MYO9A: variants seen among roughly 807,000 people sequenced by gnomAD.
The protein encoded by MYO9A is myosin IXA.
A neutral mutation model predicts 293.3 loss-of-function variants in MYO9A; 103 were observed. That is an observed-to-expected ratio of 0.35 (90% CI 0.30 to 0.41). MYO9A has a LOEUF of 0.41. MYO9A is among the 10% of genes least tolerant of loss of function. The probability of loss-of-function intolerance (pLI) is 1.00; values close to 1 mark genes in which losing one functional copy is unlikely to be tolerated. For missense variants in MYO9A, 2,685 were observed against 3,033.0 expected, an observed-to-expected ratio of 0.89 and a Z score of 2.69; for synonymous variants, 1,001 against 1,035.7, an observed-to-expected ratio of 0.97 and a Z score of 0.64.
chr15:71,844,759 A>G (rs1165644881), intron 39 of MYO9A, among the ~76,000 whole-genome samples: 1 of 152,228 alleles, frequency 6.6e-6, no homozygotes, highest in Non-Finnish European at 1.5e-5. Context: ...ATTAAATACT[A>G]TAAATCGAAG....
Position 71,974,584 on chromosome 15 carries a change from G to C in MYO9A, c.1844+3587C>G, listed in dbSNP as rs768342206. Among the ~76,000 whole-genome samples the C allele has an allele frequency of 3.9e-5, 6 of 152,216 alleles. No individual in the cohort carries two copies. In the East Asian group the frequency reaches 9.6e-4, roughly 24 times the overall value. The stretch of plus-strand genomic sequence containing the variant: ...TGGTCCTAGGACAAGGGCTGCAACT[G>C]CAAGTGCTGGAAGCAGGGATGATTT... On this transcript the variant is annotated intron_variant, in intron 12 of 41. Coordinates refer to ENST00000356056, the MANE Select transcript of MYO9A (RefSeq NM_006901.4).
intron 18 of MYO9A, among the ~76,000 whole-genome samples, chr15:71,928,352 A>G (rs979798187): frequency 6.6e-6 from 1 of 151,678 alleles, no homozygotes; most frequent in African/African-American, 2.4e-5. Context: ...GCTGTCTAAT[A>G]TATTTTTAAA....
intron 13 of MYO9A, among the ~76,000 whole-genome samples, chr15:71,965,708 C>T (rs2075855988): frequency 6.6e-6 from 1 of 152,222 alleles, no homozygotes; most frequent in African/African-American, 2.4e-5. Flanking sequence ...CACTTCACTT[C>T]AGCCTGGCAA....
chr15:71,912,475 C>T (rs1369363139), intron 19 of MYO9A, among the ~76,000 whole-genome samples: 2 of 152,102 alleles, frequency 1.3e-5, no homozygotes, highest in Admixed American at 6.5e-5. Flanking sequence ...AGGCTGGTCT[C>T]GAACTCCTGA....
intron 6 of MYO9A, among the ~76,000 whole-genome samples, chr15:72,011,890 C>T (rs980691057): frequency 2.0e-5 from 3 of 152,022 alleles, no homozygotes; most frequent in African/African-American, 7.2e-5. Context: ...ATCCCCAGTG[C>T]GAAGTCAGTG....
At chr15:71,842,502 T>C (rs978540123) in intron 39 of MYO9A, among the ~76,000 whole-genome samples, 5 of 152,078 alleles carry the variant, frequency 3.3e-5, no homozygotes, top group African/African-American at 7.2e-5. Flanking sequence ...ACTAGTAAAC[T>C]AGAGCTAGGA....
chr15:72,101,129 T>C (rs1327803742), intron 1 of MYO9A, among the ~76,000 whole-genome samples: 16 of 105,452 alleles, frequency 1.5e-4, no homozygotes, highest in South Asian at 3.5e-4. Flanking sequence ...GGCATCAGCC[T>C]CCCGCCCGGC....
intron 35 of MYO9A, among the ~76,000 whole-genome samples, chr15:71,853,330 A>G (rs2055734054): frequency 6.6e-6 from 1 of 152,238 alleles, no homozygotes; most frequent in Non-Finnish European, 1.5e-5. Context: ...GTGATAACTG[A>G]GCTTAGAAAA....
At chr15:71,827,720 G>A (rs374904849) in intron 41 of MYO9A, among the ~76,000 whole-genome samples, 164 bp downstream of exon 41, 4 of 151,932 alleles carry the variant, frequency 2.6e-5, no homozygotes, top group African/African-American at 7.3e-5. Flanking sequence ...TATGCCAAAC[G>A]ATGAAGGCTA....
At chr15:72,091,197 C>CAA (rs34991002) in intron 1 of MYO9A, among the ~76,000 whole-genome samples, 16 of 127,988 alleles carry the variant, frequency 1.3e-4, no homozygotes, top group African/African-American at 4.3e-4. Flanking sequence ...AGATCTGTCT[C>CAA]AAAAAAAAAA....
intron 12 of MYO9A, among the ~76,000 whole-genome samples, chr15:71,975,281 G>A (rs915912538): frequency 2.7e-5 from 4 of 147,372 alleles, no homozygotes; most frequent in Admixed American, 7.0e-5. Flanking sequence ...AAGCCAGGGC[G>A]TGGCCTATGA....
At chr15:72,103,232 C>CAGA (rs2080425093) in intron 1 of MYO9A, among the ~76,000 whole-genome samples, 4 of 149,858 alleles carry the variant, frequency 2.7e-5, no homozygotes, top group Admixed American at 2.7e-4. Context: ...GCAGAAGCAG[C>CAGA]AGCAGAAGCA....
intron 2 of MYO9A, chr15:72,041,631 G>A (rs1368767982): frequency 4.1e-6 from 1 of 244,822 alleles, no homozygotes; most frequent in East Asian, 1.1e-4. Context: ...ATCTCCAGTA[G>A]TTAAATCAAT....
chr15:71,927,496 G>T (rs971280923), intron 18 of MYO9A, among the ~76,000 whole-genome samples: 19 of 152,130 alleles, frequency 1.2e-4, no homozygotes, highest in Non-Finnish European at 1.5e-5. Context: ...TATCCATGGG[G>T]ATTGGTTCCA....
intron 30 of MYO9A, 107 bp from the exon 31 acceptor site, chr15:71,878,338 C>A (rs1453619717): frequency 1.3e-6 from 1 of 776,454 alleles, no homozygotes. Context: ...AGATTAGGAT[C>A]CTGATATAAT....
intron 12 of MYO9A, among the ~76,000 whole-genome samples, chr15:71,974,770 C>T (rs1183738871): frequency 6.6e-6 from 1 of 152,138 alleles, no homozygotes. Flanking sequence ...TAGTTCTGCA[C>T]CCATGTAATT....
intron 1 of MYO9A, among the ~76,000 whole-genome samples, chr15:72,055,381 A>G (rs2078691463): frequency 6.6e-6 from 1 of 152,256 alleles, no homozygotes; most frequent in Admixed American, 6.5e-5. Flanking sequence ...TCTACAAGAT[A>G]ATGTCAGAAA....
At chr15:72,031,942 T>C (rs1374064255) in intron 3 of MYO9A, among the ~76,000 whole-genome samples, 2 of 152,208 alleles carry the variant, frequency 1.3e-5, no homozygotes, top group Non-Finnish European at 2.9e-5. Context: ...AGTCTCGCTC[T>C]GTCGCCCAGA....
At chr15:72,101,475 GC>G (rs1251738542) in intron 1 of MYO9A, among the ~76,000 whole-genome samples, 6 of 112,162 alleles carry the variant, frequency 5.3e-5, no homozygotes, top group Admixed American at 8.2e-5. Context: ...GGCGGGGTCA[GC>G]CCCCCGCCCG....
Sources: allele counts gnomAD v4.1 joint callset (sites outside exome capture counted in the v4.1 genomes callset), GRCh38; gene constraint gnomAD v4.1.1; transcripts MANE v1.5; gene names NCBI Gene and HGNC (gene_info 2026-07-23, HGNC 2026-07-21).